LRFN5: variants seen among roughly 807,000 people sequenced by gnomAD.
LRFN5 encodes leucine rich repeat and fibronectin type III domain containing 5.
In LRFN5, 24 loss-of-function variants were observed where a neutral mutation model predicts 45.6. That is an observed-to-expected ratio of 0.53 (90% CI 0.38 to 0.74). The LOEUF (loss-of-function observed/expected upper bound fraction) is 0.74. LRFN5 is among the 30% of genes least tolerant of loss of function. The pLI is 0.00. For synonymous variants in LRFN5, 340 were observed against 313.8 expected, an observed-to-expected ratio of 1.08 and a Z score of -0.88; for missense variants, 776 against 861.5, an observed-to-expected ratio of 0.90 and a Z score of 1.24.
chr14:41,692,641 C>G (rs572044200), intron 1 of LRFN5, among the ~76,000 whole-genome samples: 68 of 152,062 alleles, frequency 4.5e-4, no homozygotes, highest in Non-Finnish European at 8.5e-4. Context: ...GTTCAATTCC[C>G]ACCTATGAGT....
intron 2 of LRFN5, among the ~76,000 whole-genome samples, chr14:41,866,160 T>A (rs1889833816): frequency 6.6e-6 from 1 of 152,180 alleles, no homozygotes; most frequent in Admixed American, 6.6e-5. Context: ...TGTTTTTATC[T>A]AGAAGTTTTA....
At chr14:41,778,521 T>C (rs1886372405) in intron 2 of LRFN5, among the ~76,000 whole-genome samples, 1 of 151,766 alleles carries the variant, frequency 6.6e-6, no homozygotes, top group African/African-American at 2.4e-5. Context: ...ATTGTTATTA[T>C]TATCATCATG....
chr14:41,626,457 A>G (rs1283847437), intron 1 of LRFN5, among the ~76,000 whole-genome samples: 3 of 152,034 alleles, frequency 2.0e-5, no homozygotes, highest in African/African-American at 7.2e-5. Flanking sequence ...AAAAATACTA[A>G]TTTTTTGGGA....
At chr14:41,879,637 C>T (rs1890305349) in intron 2 of LRFN5, among the ~76,000 whole-genome samples, 1 of 150,692 alleles carries the variant, frequency 6.6e-6, no homozygotes, top group South Asian at 2.1e-4. Flanking sequence ...AGATCTCCAC[C>T]TTGATCTGGA....
At chr14:41,665,458 C>T (rs1421581520) in intron 1 of LRFN5, among the ~76,000 whole-genome samples, 1 of 152,034 alleles carries the variant, frequency 6.6e-6, no homozygotes, top group Non-Finnish European at 1.5e-5. Flanking sequence ...TGGGCATTTT[C>T]TGCCAGCACT....
chr14:41,831,302 AC>A (rs1312794950), intron 2 of LRFN5, among the ~76,000 whole-genome samples: 1 of 152,188 alleles, frequency 6.6e-6, no homozygotes, highest in African/African-American at 2.4e-5. Flanking sequence ...CTTAATCACT[AC>A]TAACACATTT....
chr14:41,650,238 C>CACACACACAT (rs1473690832), intron 1 of LRFN5, among the ~76,000 whole-genome samples: 18 of 136,974 alleles, frequency 1.3e-4, no homozygotes, highest in African/African-American at 5.1e-4. Context: ...TACAAAAATA[C>CACACACACAT]ACACACACAC....
At chr14:41,888,189 A>G (rs1428342322) in intron 3 of LRFN5, among the ~76,000 whole-genome samples, 179 bp downstream of exon 3, 1 of 152,006 alleles carries the variant, frequency 6.6e-6, no homozygotes, top group African/African-American at 2.4e-5. Context: ...TTTGAATGGT[A>G]TTTTTTTAGA....
chr14:41,723,739 G>T (rs1883819192), intron 1 of LRFN5, among the ~76,000 whole-genome samples: 1 of 152,086 alleles, frequency 6.6e-6, no homozygotes, highest in South Asian at 2.1e-4. Context: ...CACAATTCTA[G>T]CACCTACTAC....
chr14:41,828,692 C>T lies in LRFN5; in HGVS notation c.-20-57914C>T, dbSNP rs144457027. Reference sequence around the variant, plus strand: ...TCCAGCAAAATTAACTCCCAAATCTCTTCACTAAATCTCAAGCTTCTATTG... The same window carrying T: ...TCCAGCAAAATTAACTCCCAAATCTTTTCACTAAATCTCAAGCTTCTATTG... On this transcript the variant is annotated intron_variant, in intron 2 of 5. Coordinates refer to ENST00000298119, the MANE Select transcript of LRFN5 (RefSeq NM_152447.5). 2.1e-3 allele frequency among the ~76,000 whole-genome samples: 318 copies of T among 152,056 alleles called. 1 individual carries two copies. Among genetic ancestry groups the T allele is most frequent in the East Asian group, 3.7e-3 (19 of 5,176 alleles).
chr14:41,832,066 C>G (rs1888503008), intron 2 of LRFN5, among the ~76,000 whole-genome samples: 1 of 152,126 alleles, frequency 6.6e-6, no homozygotes, highest in Non-Finnish European at 1.5e-5. Context: ...AATTACCTCT[C>G]CAAACCCCAT....
rs535770506 is a variant in LRFN5 at position 41,838,484 on chromosome 14, G to A, written c.-20-48122G>A. ...AGTTATGAAGTTGTTTCTAATTTCT[G>A]CATTTAGAGCTATGAACAGATGAAC... On this transcript the variant is annotated intron_variant, in intron 2 of 5. Coordinates refer to ENST00000298119, the MANE Select transcript of LRFN5 (RefSeq NM_152447.5). Among the ~76,000 whole-genome samples the A allele has an allele frequency of 2.0e-5, 3 of 152,184 alleles. No individual in the cohort carries two copies. The South Asian group carries it at 6.2e-4, about 32-fold the overall frequency.
At chr14:41,797,024 C>G (rs1383560827) in intron 2 of LRFN5, among the ~76,000 whole-genome samples, 1 of 151,684 alleles carries the variant, frequency 6.6e-6, no homozygotes, top group Non-Finnish European at 1.5e-5. Context: ...GTACTTTCTG[C>G]TCACATTTTC....
chr14:41,743,358 T>C (rs1205109777), intron 1 of LRFN5, among the ~76,000 whole-genome samples: 1 of 152,172 alleles, frequency 6.6e-6, no homozygotes, highest in Non-Finnish European at 1.5e-5. Context: ...TTACCTTTGC[T>C]TTCACTTTCT....
intron 1 of LRFN5, among the ~76,000 whole-genome samples, chr14:41,690,429 T>G (rs766522595): frequency 6.6e-6 from 1 of 152,108 alleles, no homozygotes; most frequent in Non-Finnish European, 1.5e-5. Context: ...GGTGTGCACC[T>G]GTAGTCGCAG....
chr14:41,618,621 G>GCCCAAATTGCTGA (rs1888001721), intron 1 of LRFN5, among the ~76,000 whole-genome samples: 1 of 152,074 alleles, frequency 6.6e-6, no homozygotes, highest in Non-Finnish European at 1.5e-5. Context: ...GCTGAGGCTA[G>GCCCAAATTGCTGA]CCCAAATTGC....
intron 2 of LRFN5, among the ~76,000 whole-genome samples, chr14:41,875,126 C>G (rs1346048586): frequency 2.0e-5 from 3 of 152,218 alleles, no homozygotes; most frequent in Non-Finnish European, 4.4e-5. Context: ...TTGTACTTAT[C>G]TCCTGGAGGT....
chr14:41,645,759 C>T (rs1879787223), intron 1 of LRFN5, among the ~76,000 whole-genome samples: 1 of 152,112 alleles, frequency 6.6e-6, no homozygotes, highest in African/African-American at 2.4e-5. Context: ...AAATTGATTG[C>T]AATATTTCTT....
intron 2 of LRFN5, among the ~76,000 whole-genome samples, chr14:41,800,468 A>G (rs1461693579): frequency 2.0e-5 from 3 of 151,898 alleles, no homozygotes; most frequent in East Asian, 1.9e-4. Flanking sequence ...ACTTTTTAAT[A>G]TATTTTCTAA....
Sources: allele counts gnomAD v4.1 joint callset (sites outside exome capture counted in the v4.1 genomes callset), GRCh38; gene constraint gnomAD v4.1.1; transcripts MANE v1.5; gene names NCBI Gene and HGNC (gene_info 2026-07-23, HGNC 2026-07-21).